Variants in WWC1 observed in about 807,000 individuals in gnomAD.
The protein encoded by WWC1 is WW and C2 domain containing 1.
In WWC1, 55 loss-of-function variants were observed where a neutral mutation model predicts 138.4. The ratio of observed to expected loss-of-function variants is 0.40; its 90% CI spans 0.32 to 0.50. The LOEUF (loss-of-function observed/expected upper bound fraction) is 0.50. WWC1 is among the 20% of genes least tolerant of loss of function. The probability of loss-of-function intolerance (pLI) is 0.72; values close to 1 mark genes in which losing one functional copy is unlikely to be tolerated. For synonymous variants in WWC1, 524 were observed against 564.9 expected (o/e 0.93, Z 1.03); for missense variants, 1,226 against 1,420.4 (o/e 0.86, Z 2.20).
At chr5:168,405,443 A>G (rs1016644537) in intron 5 of WWC1, among the ~76,000 whole-genome samples, 2 of 152,134 alleles carry the variant, frequency 1.3e-5, no homozygotes, top group East Asian at 3.9e-4. Flanking sequence ...GACACGTTCA[A>G]CTCTGCCTCC....
chr5:168,450,013 C>G (rs937158965), intron 17 of WWC1, among the ~76,000 whole-genome samples: 1 of 152,192 alleles, frequency 6.6e-6, no homozygotes, highest in African/African-American at 2.4e-5. Context: ...AATGCATTCT[C>G]CCCATTGGGA....
At chr5:168,363,493 C>G (rs1267200940) in intron 1 of WWC1, among the ~76,000 whole-genome samples, 1 of 127,474 alleles carries the variant, frequency 7.8e-6, no homozygotes, top group Non-Finnish European at 1.6e-5. Flanking sequence ...CCACTGTACT[C>G]CAGCCTGGGT....
intron 17 of WWC1, among the ~76,000 whole-genome samples, chr5:168,453,008 T>G (rs1755971559): frequency 6.6e-6 from 1 of 152,226 alleles, no homozygotes; most frequent in Admixed American, 6.5e-5. Context: ...GTGGATCGCT[T>G]GAGCCCAGTA....
At chr5:168,402,793 A>T (rs1378138315) in intron 5 of WWC1, among the ~76,000 whole-genome samples, 2 of 152,116 alleles carry the variant, frequency 1.3e-5, no homozygotes, top group East Asian at 3.9e-4. Flanking sequence ...ATCATCCCTG[A>T]TAACTCCCTC....
intron 15 of WWC1, among the ~76,000 whole-genome samples, chr5:168,435,848 T>C (rs1011748369): frequency 6.6e-6 from 1 of 151,358 alleles, no homozygotes; most frequent in Admixed American, 6.6e-5. Flanking sequence ...ATCTTTCTTT[T>C]TTCTTTTTTT....
At position 168,368,090 on chromosome 5, in the gene WWC1, C is replaced by CTTT. The variant is rs59582303; in HGVS notation, c.120-3319_120-3317dup. Among the ~76,000 whole-genome samples the CTTT allele has an allele frequency of 3.8e-3, 497 of 129,652 alleles. 10 individuals are homozygous for CTTT. Among genetic ancestry groups the CTTT allele is most frequent in the East Asian group, 0.015 (67 of 4,446 alleles). 85.1% of individuals were successfully genotyped at this position (129,652 alleles called of 152,430 possible). A position where few individuals can be genotyped will look rare whatever the true frequency, so the allele number is the denominator to read the frequency against. On this transcript the variant is annotated intron_variant, in intron 1 of 22. Transcript: ENST00000265293. ...GTTAGCAAAATAAAGAACACTTCAT[C>CTTT]TTTTTTTTTTTTTTTTTGAGACGGA...
chr5:168,442,194 A>G (rs1308305070), intron 16 of WWC1, among the ~76,000 whole-genome samples: 1 of 152,206 alleles, frequency 6.6e-6, no homozygotes, highest in Non-Finnish European at 1.5e-5. Context: ...CAAGGTCCAT[A>G]CTGGAGGCTT....
At position 168,431,278 on chromosome 5, in the gene WWC1, G is replaced by C. The variant is rs769675766; in HGVS notation, c.2114G>C (p.Cys705Ser). The part of the protein sequence containing the change: ...KVNIRVAVLP[C>S]SESTTCLFRT... Reference sequence around the variant, plus strand: ...AATATCCGCGTGGCTGTCCTTCCTTGCTCTGAAAGCACAACCTGCCTGTTC... The same window carrying C: ...AATATCCGCGTGGCTGTCCTTCCTTCCTCTGAAAGCACAACCTGCCTGTTC... Residue 705 changes from cysteine to serine, a missense_variant, in exon 15 of 23, where the codon TGC (cysteine) becomes TCC (serine). Physicochemically the swap from Cys to Ser is moderately radical, Grantham distance 112 (BLOSUM62 -1). Transcript: ENST00000265293. The C allele has an allele frequency of 6.2e-7, 1 of 1,613,884 alleles. No individual in the cohort carries two copies. The highest frequency in any genetic ancestry group is 8.5e-7 in the Non-Finnish European group (1 of 1,179,918).
At chr5:168,398,421 A>G (rs929942610) in intron 4 of WWC1, among the ~76,000 whole-genome samples, 2 of 152,206 alleles carry the variant, frequency 1.3e-5, no homozygotes, top group African/African-American at 4.8e-5. Context: ...TTTAAAGATG[A>G]GCAAACAGAG....
At chr5:168,308,587 C>T (rs1003340205) in intron 1 of WWC1, among the ~76,000 whole-genome samples, 2 of 152,276 alleles carry the variant, frequency 1.3e-5, no homozygotes, top group South Asian at 2.1e-4. Context: ...CTGTTGGCCA[C>T]GTGCATCTGA....
At chr5:168,458,760 C>A (rs1392334598) in intron 19 of WWC1, among the ~76,000 whole-genome samples, 1 of 152,156 alleles carries the variant, frequency 6.6e-6, no homozygotes, top group Non-Finnish European at 1.5e-5. Flanking sequence ...CATTCTCTAC[C>A]ATGTCTGAGA....
At chr5:168,422,382 A>G (rs1033762664) in intron 10 of WWC1, among the ~76,000 whole-genome samples, 1 of 152,240 alleles carries the variant, frequency 6.6e-6, no homozygotes, top group Non-Finnish European at 1.5e-5. Context: ...TAATCCCAGC[A>G]CTTTGGGAGG....
Position 168,291,885 on chromosome 5 carries a change from C to A in WWC1, c.-268C>A. ...TCTGCCCGGCCGGCTGGGCGCGCAC[C>A]CGGGCTCGCACCGCGCCGCTGCGGA... On this transcript the variant is annotated 5_prime_UTR_variant, in exon 1 of 23. Coordinates refer to ENST00000265293, the MANE Select transcript of WWC1 (RefSeq NM_015238.3). 1 of 156,378 alleles carries A rather than the reference C, an allele frequency of 6.4e-6. No homozygotes were observed. The highest frequency in any genetic ancestry group is 1.8e-4 in the South Asian group (1 of 5,578). The allele number at this position is 156,378 out of a possible 1,614,324, so 9.7% of individuals were successfully genotyped here. A position where few individuals can be genotyped will look rare whatever the true frequency, so the allele number is the denominator to read the frequency against.
intron 15 of WWC1, among the ~76,000 whole-genome samples, chr5:168,440,548 T>C (rs1244515027): frequency 1.3e-5 from 2 of 152,184 alleles, no homozygotes; most frequent in Admixed American, 6.6e-5. Context: ...CAGAGTTTTG[T>C]TCTTGTTGCC....
At chr5:168,381,767 T>C (rs1482816062) in intron 2 of WWC1, among the ~76,000 whole-genome samples, 1 of 150,254 alleles carries the variant, frequency 6.7e-6, no homozygotes, top group Non-Finnish European at 1.5e-5. Flanking sequence ...TTTTTTTTTT[T>C]TTTTGAAGCT....
At chr5:168,354,692 T>C (rs1011750116) in intron 1 of WWC1, among the ~76,000 whole-genome samples, 1 of 152,136 alleles carries the variant, frequency 6.6e-6, no homozygotes, top group African/African-American at 2.4e-5. Context: ...AGTTTCTCCT[T>C]TGTGGACCTG....
Position 168,423,769 on chromosome 5 carries a change from A to G in WWC1, c.1511A>G (p.Asp504Gly). 6.2e-7 allele frequency: 1 copy of G among 1,613,946 alleles called. No individual in the cohort carries two copies. Among genetic ancestry groups the G allele is most frequent in the Non-Finnish European group, 8.5e-7 (1 of 1,179,910 alleles). ...GGCTGCATCACCACCATCCACGAGG[A>G]TGAGGTGGCCAAGACCCAGAAGGCA... ...PSGCITTIHE[D>G]EVAKTQKAEG... The change falls in exon 11 of 23, where the codon GAT becomes GGT. Residue 504 changes from aspartate (D) to glycine (G), a missense_variant. By Grantham distance (94) the Asp-to-Gly change is moderately conservative. This residue lies in a region of WWC1 where 1,016 missense variants were observed against 1,153.9 expected (regional missense o/e 0.88). Transcript: ENST00000265293.
intron 2 of WWC1, among the ~76,000 whole-genome samples, chr5:168,374,668 GGA>G: frequency 6.6e-6 from 1 of 152,188 alleles, no homozygotes; most frequent in African/African-American, 2.4e-5. Flanking sequence ...GTGAGCCATT[GGA>G]GAGTTTTAAA....
At chr5:168,359,796 C>A (rs1166085013) in intron 1 of WWC1, among the ~76,000 whole-genome samples, 1 of 152,098 alleles carries the variant, frequency 6.6e-6, no homozygotes, top group Admixed American at 6.6e-5. Context: ...ATTCAGAATC[C>A]AGTTCTTCGG....
Sources: allele counts gnomAD v4.1 joint callset (sites outside exome capture counted in the v4.1 genomes callset), GRCh38; gene constraint gnomAD v4.1.1; regional missense constraint gnomAD v4.1.1; transcripts MANE v1.5; gene names NCBI Gene and HGNC (gene_info 2026-07-23, HGNC 2026-07-21).